Variants in CNTNAP4 observed in about 807,000 individuals in gnomAD.
CNTNAP4 encodes contactin associated protein family member 4.
Under a neutral mutation model 148.4 loss-of-function variants are expected in CNTNAP4, and 98 were observed. The observed-to-expected ratio is 0.66, with a 90% confidence interval of 0.56 to 0.78. The LOEUF (loss-of-function observed/expected upper bound fraction) is 0.78. CNTNAP4 is among the 30% of genes least tolerant of loss of function. The pLI is 0.00. For synonymous variants in CNTNAP4, 730 were observed against 565.1 expected (o/e 1.29, Z -4.14); for missense variants, 1,935 against 1,565.6 (o/e 1.24, Z -3.98).
chr16:76,358,187 T>G (rs1207596678), intron 3 of CNTNAP4, among the ~76,000 whole-genome samples: 1 of 152,032 alleles, frequency 6.6e-6, no homozygotes, highest in Non-Finnish European at 1.5e-5. Context: ...TACAAAAAAG[T>G]TAGCTGGGCA....
intron 3 of CNTNAP4, among the ~76,000 whole-genome samples, chr16:76,379,065 T>C (rs1360868291): frequency 2.0e-5 from 3 of 152,190 alleles, no homozygotes; most frequent in African/African-American, 7.2e-5. Context: ...TCATGTGACC[T>C]TTAGGGTTAC....
At chr16:76,448,658 TAGA>T (rs2080340238) in intron 5 of CNTNAP4, 106 bp from the exon 6 acceptor site, 2 of 757,502 alleles carry the variant, frequency 2.6e-6, no homozygotes, top group South Asian at 4.2e-5. Context: ...ACGGAATGCG[TAGA>T]AGGAGATTGC....
At chr16:76,464,087 G>A (rs574137144) in intron 9 of CNTNAP4, among the ~76,000 whole-genome samples, 11 of 152,224 alleles carry the variant, frequency 7.2e-5, no homozygotes, top group Non-Finnish European at 1.5e-4. Context: ...GCAAGGAGCC[G>A]GATGATAGCA....
chr16:76,516,979 G>A (rs1377376024), intron 15 of CNTNAP4, among the ~76,000 whole-genome samples: 3 of 152,144 alleles, frequency 2.0e-5, no homozygotes, highest in African/African-American at 7.2e-5. Flanking sequence ...CAGGAGAATC[G>A]CTTCAACCCG....
intron 1 of CNTNAP4, among the ~76,000 whole-genome samples, chr16:76,285,874 C>T (rs1958860087): frequency 6.6e-6 from 1 of 151,382 alleles, no homozygotes; most frequent in Non-Finnish European, 1.5e-5. Context: ...CATTTGATTC[C>T]CTTGGCCCAC....
At chr16:76,364,720 C>G (rs2013892356) in intron 3 of CNTNAP4, among the ~76,000 whole-genome samples, 2 of 152,288 alleles carry the variant, frequency 1.3e-5, no homozygotes, top group Middle Eastern at 6.8e-3. Context: ...AAAACTAATA[C>G]TTCCCATTCA....
chr16:76,404,539 TA>T (rs1407062340), intron 3 of CNTNAP4, among the ~76,000 whole-genome samples: 2 of 152,080 alleles, frequency 1.3e-5, no homozygotes, highest in Non-Finnish European at 2.9e-5. Context: ...TTAAACAACT[TA>T]AAGTAGGGCT....
intron 1 of CNTNAP4, among the ~76,000 whole-genome samples, chr16:76,287,420 G>C (rs1203169279): frequency 6.6e-6 from 1 of 152,050 alleles, no homozygotes; most frequent in South Asian, 2.1e-4. Flanking sequence ...TGATCACATT[G>C]GTTTCTTGGA....
rs556178966 is a variant in CNTNAP4, at chr16:76,335,847, C to A, written c.196+19324C>A. Among the ~76,000 whole-genome samples the A allele has an allele frequency of 2.7e-4, 41 of 152,240 alleles. No homozygotes were observed. In the South Asian group the frequency reaches 8.3e-3, roughly 31 times the overall value. ...GCAGTGCTGTTGGCAAGGTCTCACA[C>A]CTGGGATGGGTGTGAGATATCAGAA... On this transcript the variant is annotated intron_variant, in intron 2 of 23. Transcript: ENST00000611870.
chr16:76,516,630 G>T (rs1466803394), intron 15 of CNTNAP4, among the ~76,000 whole-genome samples: 1 of 152,192 alleles, frequency 6.6e-6, no homozygotes. Flanking sequence ...AGCTTTATTG[G>T]TAATAGCTGA....
intron 1 of CNTNAP4, among the ~76,000 whole-genome samples, chr16:76,278,574 G>T (rs890993961): frequency 4.6e-5 from 7 of 152,098 alleles, no homozygotes; most frequent in African/African-American, 1.7e-4. Context: ...AGTTTTAAAA[G>T]TTATCTTTGG....
intron 3 of CNTNAP4, among the ~76,000 whole-genome samples, chr16:76,372,057 G>A (rs1408078042): frequency 1.3e-5 from 2 of 151,792 alleles, no homozygotes; most frequent in Non-Finnish European, 1.5e-5. Flanking sequence ...TTAATCAACC[G>A]AATTTCCAAT....
At chr16:76,554,510 A>C (rs773715891) in intron 23 of CNTNAP4, among the ~76,000 whole-genome samples, 64 of 152,138 alleles carry the variant, frequency 4.2e-4, no homozygotes, top group Non-Finnish European at 8.4e-4. Context: ...AAAACTTTTA[A>C]AGTATGTCTC....
At chr16:76,426,056 T>C (rs1341183644) in intron 3 of CNTNAP4, among the ~76,000 whole-genome samples, 4 of 152,044 alleles carry the variant, frequency 2.6e-5, no homozygotes, top group Non-Finnish European at 5.9e-5. Context: ...TGCCCCGATT[T>C]TGGATATAAT....
At chr16:76,464,846 G>A (rs1014341783) in intron 9 of CNTNAP4, among the ~76,000 whole-genome samples, 1 of 152,024 alleles carries the variant, frequency 6.6e-6, no homozygotes, top group East Asian at 1.9e-4. Context: ...TCACAAAGTC[G>A]GACTGTATTG....
At chr16:76,332,324 A>G (rs1963601298) in intron 2 of CNTNAP4, among the ~76,000 whole-genome samples, 1 of 152,088 alleles carries the variant, frequency 6.6e-6, no homozygotes, top group Admixed American at 6.5e-5. Flanking sequence ...GCAGTGGTGC[A>G]ATTATAACTC....
Position 76,495,057 on chromosome 16 carries a change from G to A in CNTNAP4, c.2228G>A (p.Arg743Gln), listed in dbSNP as rs138136389. Residue 743 changes from arginine (R) to glutamine (Q), a missense_variant, in exon 14 of 24, where the codon CGG becomes CAG. By Grantham distance (43) the Arg-to-Gln change is conservative. Coordinates refer to ENST00000611870, the MANE Select transcript of CNTNAP4 (RefSeq NM_033401.5). Reference protein sequence around the residue: ...SQYYCNCDADRNEWTNDTGLL... With the variant: ...SQYYCNCDADQNEWTNDTGLL... Reference sequence around the variant, plus strand: ...TATTACTGCAATTGTGATGCTGACCGGAATGAATGGTGATTTCCATATGAT... The same window carrying A: ...TATTACTGCAATTGTGATGCTGACCAGAATGAATGGTGATTTCCATATGAT... The A allele has an allele frequency of 1.3e-4, 205 of 1,612,296 alleles. No homozygotes were observed. The highest frequency in any genetic ancestry group is 6.6e-4 in the Middle Eastern group (4 of 6,050).
rs187003660 is a variant in CNTNAP4 at position 76,529,697 on chromosome 16, A to G, written c.2756-5848A>G. Among the ~76,000 whole-genome samples the G allele has an allele frequency of 2.6e-3, 396 of 152,322 alleles. 3 individuals carry two copies. Among genetic ancestry groups the G allele is most frequent in the African/African-American group, 9.1e-3 (379 of 41,574 alleles). On this transcript the variant is annotated intron_variant, in intron 17 of 23. Coordinates refer to ENST00000611870, the MANE Select transcript of CNTNAP4 (RefSeq NM_033401.5). ...AAGTAAGGACCCCTGACATAGTCAG[A>G]AGTAACTTGCTTTGCATTTGAATTG...
chr16:76,285,075 C>T (rs986178586), intron 1 of CNTNAP4, among the ~76,000 whole-genome samples: 2 of 151,936 alleles, frequency 1.3e-5, no homozygotes, highest in African/African-American at 4.8e-5. Context: ...AATGTACATG[C>T]CAAACGCATT....
Sources: gnomAD v4.1 joint callset for allele counts (sites outside exome capture counted in the v4.1 genomes callset) on GRCh38, gnomAD v4.1.1 for gene constraint, MANE v1.5 for transcripts, NCBI Gene and HGNC (gene_info 2026-07-23, HGNC 2026-07-21) for gene names.